Variants in ARFGEF3 observed in about 807,000 individuals in gnomAD.
ARFGEF3 encodes the protein brefeldin A-inhibited guanine nucleotide-exchange protein 3.
ARFGEF3 carries 96 observed loss-of-function variants against 221.7 expected under a neutral mutation model. The observed-to-expected ratio is 0.43, with a 90% CI of 0.37 to 0.51. ARFGEF3 has a LOEUF of 0.51. ARFGEF3 is among the 20% of genes least tolerant of loss of function. The pLI is 0.00. For missense variants in ARFGEF3, 2,410 were observed against 2,789.9 expected (o/e 0.86, Z 3.07); for synonymous variants, 1,145 against 1,126.8 (o/e 1.02, Z -0.32).
At chr6:138,218,651 C>T (rs969605895) in intron 4 of ARFGEF3, among the ~76,000 whole-genome samples, 2 of 152,180 alleles carry the variant, frequency 1.3e-5, no homozygotes, top group African/African-American at 2.4e-5. Flanking sequence ...TTGGCTGTAG[C>T]CCTTTAACAA....
At chr6:138,295,659 T>G (rs905081758) in intron 20 of ARFGEF3, among the ~76,000 whole-genome samples, 1 of 151,324 alleles carries the variant, frequency 6.6e-6, no homozygotes, top group Non-Finnish European at 1.5e-5. Context: ...GAAAATATAA[T>G]TGCTTTAAAA....
At chr6:138,296,756 C>G in intron 20 of ARFGEF3, 54 bp from the exon 21 acceptor site, 1 of 1,591,802 alleles carries the variant, frequency 6.3e-7, no homozygotes, top group South Asian at 1.2e-5. Flanking sequence ...TTGAATAGGT[C>G]AGACTATGTC....
At chr6:138,329,876 T>C (rs780542729) in intron 32 of ARFGEF3, among the ~76,000 whole-genome samples, 9 of 152,124 alleles carry the variant, frequency 5.9e-5, no homozygotes, top group Admixed American at 1.3e-4. Flanking sequence ...ACAAGGCTGT[T>C]TATTTCACCT....
At position 138,308,845 on chromosome 6, in the gene ARFGEF3, G is replaced by A. The variant is rs773226788; in HGVS notation, c.4080G>A (p.Lys1360=). The change falls in exon 24 of 34, where the codon AAG becomes AAA. Residue 1360 remains lysine (K), a synonymous_variant. Transcript: ENST00000251691. ...AATSYIMCLM[K]FVKGLGEVDC... is the part of the protein sequence containing the mutation. ...CTAGCTACATCATGTGCCTTATGAAGTTTGTCAAAGGACTGGGTAAGCAGA... is the reference window on the plus strand; with the variant it reads ...CTAGCTACATCATGTGCCTTATGAAATTTGTCAAAGGACTGGGTAAGCAGA... 6.2e-7 allele frequency: 1 copy of A among 1,614,008 alleles called. No homozygotes were observed. Among genetic ancestry groups the A allele is most frequent in the Non-Finnish European group, 8.5e-7 (1 of 1,179,884 alleles).
chr6:138,189,575 A>T lies in ARFGEF3; in HGVS notation c.138-17467A>T, dbSNP rs747393501. On this transcript the variant is annotated intron_variant, in intron 2 of 33. Transcript: ENST00000251691. ...TAATATTTTGAAGCTTGCGATTTTC[A>T]CTTAGTATATCAAACACGTTTTTCC... Among the ~76,000 whole-genome samples, 3 of 152,338 alleles carry T rather than the reference A, an allele frequency of 2.0e-5. No individual in the cohort carries two copies. The East Asian group carries it at 5.8e-4, about 29-fold the overall frequency.
At chr6:138,164,977 C>T (rs944761450) in intron 1 of ARFGEF3, among the ~76,000 whole-genome samples, 3 of 152,034 alleles carry the variant, frequency 2.0e-5, no homozygotes, top group African/African-American at 7.2e-5. Context: ...GGTCATCCCC[C>T]ACTTAGACCC....
chr6:138,190,112 AAG>A (rs1056669059), intron 2 of ARFGEF3, among the ~76,000 whole-genome samples: 19 of 151,910 alleles, frequency 1.3e-4, no homozygotes, highest in African/African-American at 4.4e-4. Context: ...TAAAAATAAA[AAG>A]AGTAGCATGC....
rs183618392 is a variant in ARFGEF3 at position 138,318,158 on chromosome 6, A to T, written c.4474+779A>T. Among the ~76,000 whole-genome samples the T allele has an allele frequency of 1.1e-3, 170 of 152,276 alleles. 1 individual carries two copies. The highest frequency in any genetic ancestry group is 3.6e-3 in the African/African-American group (150 of 41,542). On this transcript the variant is annotated intron_variant, in intron 27 of 33. Transcript: ENST00000251691. Reference sequence around the variant, plus strand: ...TATAGCAAAGTTTATATTATTTTTTAAAAAACACCATAGATACTGCCACGT... The same window carrying T: ...TATAGCAAAGTTTATATTATTTTTTTAAAAACACCATAGATACTGCCACGT...
chr6:138,174,469 T>TA (rs35236693), intron 2 of ARFGEF3, among the ~76,000 whole-genome samples: 281 of 25,302 alleles, frequency 0.011, 59 homozygotes, highest in East Asian at 0.025. Flanking sequence ...GAGCATCTGC[T>TA]AAAAAAAAAA....
At chr6:138,259,764 A>G (rs1778751862) in intron 10 of ARFGEF3, among the ~76,000 whole-genome samples, 1 of 152,158 alleles carries the variant, frequency 6.6e-6, no homozygotes, top group African/African-American at 2.4e-5. Flanking sequence ...ATACAAAAAA[A>G]TTAGCTTGGC....
At chr6:138,218,953 T>A (rs1215233742) in intron 4 of ARFGEF3, among the ~76,000 whole-genome samples, 1 of 152,058 alleles carries the variant, frequency 6.6e-6, no homozygotes, top group African/African-American at 2.4e-5. Context: ...GACCTTTTTT[T>A]ATTGATTTAT....
At chr6:138,266,212 AAGAAAG>A (rs1778888853) in intron 12 of ARFGEF3, among the ~76,000 whole-genome samples, 1 of 151,868 alleles carries the variant, frequency 6.6e-6, no homozygotes, top group Non-Finnish European at 1.5e-5. Context: ...GACCCTGTCA[AAGAAAG>A]AGAAAGAGAG....
intron 32 of ARFGEF3, 126 bp from the exon 33 acceptor site, chr6:138,333,844 T>A: frequency 9.5e-7 from 1 of 1,047,530 alleles, no homozygotes; most frequent in Non-Finnish European, 1.4e-6. Flanking sequence ...GGAAGACATT[T>A]GAGTAGAGGT....
intron 2 of ARFGEF3, among the ~76,000 whole-genome samples, chr6:138,179,377 T>C (rs1267674246): frequency 1.3e-5 from 2 of 152,220 alleles, no homozygotes; most frequent in Non-Finnish European, 2.9e-5. Flanking sequence ...CCATTTTGCT[T>C]ACCTGCTCCA....
chr6:138,240,378 T>G (rs1051920707), intron 6 of ARFGEF3, among the ~76,000 whole-genome samples: 2 of 152,226 alleles, frequency 1.3e-5, no homozygotes, highest in Admixed American at 6.5e-5. Flanking sequence ...AATTTCAAAG[T>G]GCTTTCAATT....
chr6:138,250,796 A>G (rs766502356), intron 8 of ARFGEF3, among the ~76,000 whole-genome samples: 1 of 152,236 alleles, frequency 6.6e-6, no homozygotes, highest in Non-Finnish European at 1.5e-5. Flanking sequence ...CCTGCCAACC[A>G]TGAAATGCTC....
In ARFGEF3 at chr6:138,298,707, T is replaced by C; in HGVS notation, c.3750T>C (p.Phe1250=). The change falls in exon 22 of 34, where the codon TTT becomes TTC. Residue 1250 remains phenylalanine, a synonymous_variant. Transcript: ENST00000251691. ...CTGACTGGAATGAGCCACCTCATTT[T>C]CACTTCAATGAAGCACTCTTCCGAC... ...VLTDWNEPPH[F]HFNEALFRPF... 1 of 1,613,734 alleles carries C rather than the reference T, an allele frequency of 6.2e-7. No homozygotes were observed.
intron 13 of ARFGEF3, 73 bp from the exon 14 acceptor site, chr6:138,279,926 C>A: frequency 6.9e-7 from 1 of 1,456,418 alleles, no homozygotes; most frequent in Non-Finnish European, 9.5e-7. Context: ...CGTGAAGAGG[C>A]AGCAGAGGCA....
rs370705951 is a variant in ARFGEF3, at chr6:138,259,551, G to A, written c.1105-1976G>A. Among the ~76,000 whole-genome samples the A allele has an allele frequency of 2.0e-4, 31 of 152,210 alleles. No homozygotes were observed. The East Asian group carries it at 4.4e-3, about 22-fold the overall frequency. ...AGAAGCTGAGATTAAAACATCTTTC[G>A]TTTTAGTTTTTGTTGAGGGTTCTCC... On this transcript the variant is annotated intron_variant, in intron 10 of 33. Coordinates refer to ENST00000251691, the MANE Select transcript of ARFGEF3 (RefSeq NM_020340.5).
Sources: allele counts gnomAD v4.1 joint callset (sites outside exome capture counted in the v4.1 genomes callset), GRCh38; gene constraint gnomAD v4.1.1; transcripts MANE v1.5; gene names NCBI Gene and HGNC (gene_info 2026-07-23, HGNC 2026-07-21).